The following TSHR variants were observed in gnomAD, a reference collection of about 807,000 sequenced individuals.
The protein encoded by TSHR is thyroid stimulating hormone receptor.
A neutral mutation model predicts 64.1 loss-of-function variants in TSHR; 51 were observed. The ratio of observed to expected loss-of-function variants is 0.80; its 90% CI spans 0.64 to 1.01. The LOEUF (loss-of-function observed/expected upper bound fraction) is 1.01, where lower values mean the gene tolerates loss of function less well. Among genes scored for constraint, TSHR ranks in the 50% least tolerant of loss-of-function variants. TSHR has a pLI of 0.00. For missense variants in TSHR, 877 were observed against 942.8 expected (o/e 0.93, Z 0.91); for synonymous variants, 361 against 361.9 (o/e 1.00, Z 0.03).
At chr14:81,066,877 T>C (rs1047115179) in intron 2 of TSHR, among the ~76,000 whole-genome samples, 1 of 152,162 alleles carries the variant, frequency 6.6e-6, no homozygotes, top group Admixed American at 6.5e-5. Context: ...CCAAATGTCA[T>C]AGAAATACCT....
chr14:81,032,781 T>C (rs1036492338), intron 1 of TSHR: 10 of 418,058 alleles, frequency 2.4e-5, no homozygotes, highest in African/African-American at 8.5e-5. Flanking sequence ...AGTTGATACA[T>C]GGAAAAATTT....
chr14:81,114,421 C>T (rs12586613), intron 8 of TSHR, among the ~76,000 whole-genome samples: 23,860 of 152,180 alleles, frequency 0.16, 2,006 homozygotes, highest in East Asian at 0.29. Flanking sequence ...GGGTGACAGA[C>T]GGCAACTGGA....
At position 81,143,289 on chromosome 14, in the gene TSHR, A is replaced by G. The variant is rs1397760048; in HGVS notation, c.1231A>G (p.Ile411Val). The change falls in exon 10 of 10, where the codon ATA (isoleucine) becomes GTA (valine). Residue 411 changes from isoleucine to valine, a missense_variant. Ile to Val is a conservative substitution (Grantham distance 29). Transcript: ENST00000298171. ...KSDEFNPCED[I>V]MGYKFLRIVV... ...CGATGAGTTCAACCCGTGTGAAGACATAATGGGCTACAAGTTCCTGAGAAT... is the reference window on the plus strand; with the variant it reads ...CGATGAGTTCAACCCGTGTGAAGACGTAATGGGCTACAAGTTCCTGAGAAT... 6.2e-7 allele frequency: 1 copy of G among 1,614,096 alleles called. No homozygotes were observed. The highest frequency in any genetic ancestry group is 8.5e-7 in the Non-Finnish European group (1 of 1,180,056).
intron 8 of TSHR, among the ~76,000 whole-genome samples, chr14:81,110,676 C>T (rs763774752): frequency 2.0e-5 from 3 of 152,122 alleles, no homozygotes; most frequent in Admixed American, 6.5e-5. Flanking sequence ...AACTGATTGA[C>T]ATCAGAAAAT....
At chr14:81,125,659 T>A (rs1890990752) in intron 8 of TSHR, among the ~76,000 whole-genome samples, 1 of 152,084 alleles carries the variant, frequency 6.6e-6, no homozygotes, top group Admixed American at 6.5e-5. Flanking sequence ...AAGCTCTTGG[T>A]GCAGCTCCCT....
chr14:81,109,592 C>G (rs1287317594), intron 8 of TSHR, among the ~76,000 whole-genome samples: 1 of 152,158 alleles, frequency 6.6e-6, no homozygotes, highest in Non-Finnish European at 1.5e-5. Flanking sequence ...CACTGTCCCT[C>G]AGGTGTCAGG....
intron 1 of TSHR, chr14:81,012,879 C>A (rs1237081990): frequency 2.0e-5 from 3 of 152,038 alleles, no homozygotes; most frequent in Non-Finnish European, 4.4e-5. Flanking sequence ...AATTTTCTCC[C>A]ATTTTGTAGG....
chr14:81,087,034 C>G (rs1888333305), intron 3 of TSHR, among the ~76,000 whole-genome samples: 1 of 152,184 alleles, frequency 6.6e-6, no homozygotes, highest in South Asian at 2.1e-4. Flanking sequence ...AATCATTGAA[C>G]TGTATGCCTA....
chr14:81,101,300 T>C (rs903976312), intron 7 of TSHR, among the ~76,000 whole-genome samples: 3 of 152,158 alleles, frequency 2.0e-5, no homozygotes, highest in African/African-American at 4.8e-5. Flanking sequence ...AATGATCAGA[T>C]GGCCTTCTGA....
intron 1 of TSHR, chr14:80,959,347 T>C (rs902809261): frequency 6.6e-6 from 1 of 152,142 alleles, no homozygotes; most frequent in Non-Finnish European, 1.5e-5. Context: ...GAGAATAAAA[T>C]TAAAAATTTA....
At chr14:81,136,494 G>A (rs1471365999) in intron 8 of TSHR, among the ~76,000 whole-genome samples, 1 of 152,166 alleles carries the variant, frequency 6.6e-6, no homozygotes, top group South Asian at 2.1e-4. Context: ...AATAGAGGAG[G>A]AGCAGGTTGA....
intron 9 of TSHR, among the ~76,000 whole-genome samples, chr14:81,140,207 A>G (rs888050666): frequency 2.0e-5 from 3 of 152,214 alleles, no homozygotes; most frequent in African/African-American, 7.2e-5. Flanking sequence ...ACTGCAACAC[A>G]TATTAGACCC....
At chr14:80,983,029 G>T in intron 1 of TSHR, 1 of 538,910 alleles carries the variant, frequency 1.9e-6, no homozygotes, top group Non-Finnish European at 3.4e-6. Flanking sequence ...GATTGCAATG[G>T]GTATCCATAA....
At chr14:80,988,614 T>C (rs1005689562) in intron 1 of TSHR, among the ~76,000 whole-genome samples, 5 of 152,216 alleles carry the variant, frequency 3.3e-5, no homozygotes, top group African/African-American at 1.2e-4. Context: ...GCAATCCTTG[T>C]TAACAGTTTC....
At chr14:81,093,440 T>A (rs1353862266) in intron 6 of TSHR, 1 of 152,272 alleles carries the variant, frequency 6.6e-6, no homozygotes, top group Non-Finnish European at 1.5e-5. Context: ...CTGCAGGGTC[T>A]CCTCTCTATT....
chr14:81,113,998 T>C (rs187930022), intron 8 of TSHR, among the ~76,000 whole-genome samples: 16 of 152,056 alleles, frequency 1.1e-4, no homozygotes, highest in African/African-American at 3.6e-4. Flanking sequence ...CAGGATTATA[T>C]GAAAATTTAC....
intron 7 of TSHR, among the ~76,000 whole-genome samples, chr14:81,100,439 C>CA (rs1403688375): frequency 1.3e-5 from 2 of 152,170 alleles, no homozygotes; most frequent in Non-Finnish European, 1.5e-5. Flanking sequence ...GCTTTTCCCC[C>CA]ACACAACAAG....
intron 1 of TSHR, among the ~76,000 whole-genome samples, chr14:81,016,468 GTTAT>G (rs34774091): frequency 0.1 from 15,739 of 151,946 alleles, 2,657 homozygotes; most frequent in African/African-American, 0.36. Flanking sequence ...TTTTTAATGG[GTTAT>G]TTGTTTTCTT....
chr14:81,098,837 C>A (rs553333552), intron 7 of TSHR, among the ~76,000 whole-genome samples: 97 of 152,192 alleles, frequency 6.4e-4, no homozygotes, highest in African/African-American at 2.2e-3. Context: ...AGAGAAAGAA[C>A]CTGAAACCTG....
Sources: gnomAD v4.1 joint callset for allele counts (sites outside exome capture counted in the v4.1 genomes callset) on GRCh38, gnomAD v4.1.1 for gene constraint, MANE v1.5 for transcripts, NCBI Gene and HGNC (gene_info 2026-07-23, HGNC 2026-07-21) for gene names.